ERI2: variants seen among roughly 807,000 people sequenced by gnomAD.
ERI2 encodes the protein ERI1 exoribonuclease 2.
In ERI2, 35 loss-of-function variants were observed where a neutral mutation model predicts 46.8. The observed-to-expected ratio is 0.75, with a 90% CI of 0.57 to 0.99. The LOEUF (loss-of-function observed/expected upper bound fraction) is 0.99, where lower values mean the gene tolerates loss of function less well. Ranked by LOEUF, ERI2 falls within the 50% of genes least tolerant of loss-of-function variation. ERI2 has a pLI of 0.00. For missense variants in ERI2, 695 were observed against 796.2 expected, an observed-to-expected ratio of 0.87 and a Z score of 1.53; for synonymous variants, 224 against 271.0, an observed-to-expected ratio of 0.83 and a Z score of 1.70.
intron 10 of ERI2, among the ~76,000 whole-genome samples, chr16:20,788,388 C>G (rs937756129): frequency 6.6e-6 from 1 of 152,198 alleles, no homozygotes; most frequent in Non-Finnish European, 1.5e-5. Flanking sequence ...CTGCAAGGTA[C>G]CCCCACCTGC....
intron 10 of ERI2, among the ~76,000 whole-genome samples, chr16:20,788,591 G>A (rs769007930): frequency 1.3e-5 from 2 of 152,156 alleles, no homozygotes; most frequent in Non-Finnish European, 1.5e-5. Flanking sequence ...CTGGGGATGT[G>A]TTCCAACCAG....
At chr16:20,783,466 G>A (rs141184430) in intron 10 of ERI2, 9 of 152,270 alleles carry the variant, frequency 5.9e-5, no homozygotes, top group Admixed American at 5.9e-4. Flanking sequence ...ATCCTCCAAT[G>A]AGCATTTCCT....
At chr16:20,785,773 TAAAA>T (rs1278885385) in intron 10 of ERI2, among the ~76,000 whole-genome samples, 1 of 151,952 alleles carries the variant, frequency 6.6e-6, no homozygotes, top group Non-Finnish European at 1.5e-5. Context: ...ATATCAAAAA[TAAAA>T]ATCAAAAATT....
At chr16:20,781,144 C>A (rs773546424) in intron 10 of ERI2, 1 of 1,613,110 alleles carries the variant, frequency 6.2e-7, no homozygotes, top group Non-Finnish European at 8.5e-7. Context: ...AGCCAAAGCA[C>A]AAAGAGGTCA....
At position 20,780,604 on chromosome 16, in the gene ERI2, C is replaced by T. The variant is rs199569669; in HGVS notation, c.*38G>A. 1.3e-5 allele frequency: 21 copies of T among 1,606,366 alleles called. No homozygotes were observed. In the East Asian group the frequency reaches 4.7e-4, roughly 36 times the overall value. On this transcript the variant is annotated 3_prime_UTR_variant, in exon 11 of 11. Transcript: ENST00000300005. ...GTAATTCAAGCTAAGCCACTGGCAC[C>T]TGATTCATGACATGAAGAGGTTCAA...
intron 10 of ERI2, chr16:20,781,893 A>G (rs1439846130): frequency 1.2e-6 from 1 of 808,190 alleles, no homozygotes; most frequent in Admixed American, 2.5e-5. Context: ...CAGTAGACAC[A>G]GGATTTAGCA....
At chr16:20,792,508 T>C, downstream of ERI2, 2 of 984,232 alleles carry the variant, frequency 2.0e-6, no homozygotes, top group Non-Finnish European at 2.4e-6. Context: ...GAATTATGAG[T>C]TGCAGCTCTG....
rs570972449 is a variant in ERI2, at chr16:20,781,259, A to G, written c.895-525T>C. 1.7e-5 allele frequency: 20 copies of G among 1,196,318 alleles called. No individual in the cohort carries two copies. The African/African-American group carries it at 3.1e-4, about 18-fold the overall frequency. The allele number at this position is 1,196,318 out of a possible 1,614,324, so 74.1% of individuals were successfully genotyped here. Reference sequence around the variant, plus strand: ...GATTTAAGATATGTCACATCCAGAAAGTCAATAAGCCTGAAAAGATACACT... The same window carrying G: ...GATTTAAGATATGTCACATCCAGAAGGTCAATAAGCCTGAAAAGATACACT... On this transcript the variant is annotated intron_variant, in intron 10 of 10. Transcript: ENST00000300005.
In ERI2 at chr16:20,806,397, C is replaced by A. The variant is rs770408123; in HGVS notation, c.23+11G>T. On this transcript the variant is annotated intron_variant, in intron 1 of 8. Coordinates refer to ENST00000357967, the MANE Select transcript of ERI2 (RefSeq NM_001142725.2). Reference sequence around the variant, plus strand: ...AGCTACCCGCCCCCGACCCGGAACTCCCTCGAGTACCGCGCGAGCCGCTTG... The same window carrying A: ...AGCTACCCGCCCCCGACCCGGAACTACCTCGAGTACCGCGCGAGCCGCTTG... The A allele has an allele frequency of 6.4e-7, 1 of 1,550,592 alleles. No individual in the cohort carries two copies. Among genetic ancestry groups the A allele is most frequent in the South Asian group, 1.2e-5 (1 of 84,090 alleles).
rs1269339515 is a variant in ERI2, at chr16:20,800,011, G to A, written c.589C>T (p.Leu197=). 2.5e-6 allele frequency: 4 copies of A among 1,603,304 alleles called. No individual in the cohort carries two copies. Among genetic ancestry groups the A allele is most frequent in the Middle Eastern group, 1.7e-4 (1 of 6,026 alleles). Reference sequence around the variant, plus strand: ...CCTACTTCCTGCAAGGCACCACTTAGTCCTTTTGGTTTTCTCCTATAGAAA... The same window carrying A: ...CCTACTTCCTGCAAGGCACCACTTAATCCTTTTGGTTTTCTCCTATAGAAA... The part of the protein sequence containing the change: ...KLFYRRKPKG[L]SGALQEVGIE... Residue 197 remains leucine, a synonymous_variant, in exon 7 of 9, where the codon CTA becomes TTA. Coordinates refer to ENST00000357967, the MANE Select transcript of ERI2 (RefSeq NM_001142725.2).
At chr16:20,789,364 G>T in intron 10 of ERI2, 1 of 779,570 alleles carries the variant, frequency 1.3e-6, no homozygotes, top group Non-Finnish European at 2.2e-6. Context: ...TAAAGGTTTA[G>T]CATTAATTAC....
intron 10 of ERI2, chr16:20,780,825 C>G (rs746186908): frequency 6.2e-7 from 1 of 1,614,214 alleles, no homozygotes; most frequent in South Asian, 1.1e-5. Context: ...ACACCCACAG[C>G]AGTTTTGGTT....
intron 1 of ERI2, among the ~76,000 whole-genome samples, chr16:20,804,310 TAAG>T (rs1596553020): frequency 6.6e-6 from 1 of 152,178 alleles, no homozygotes; most frequent in East Asian, 1.9e-4. Context: ...AGTGCAGTTT[TAAG>T]AAGACAAGAC....
At chr16:20,795,489 C>G (rs1036127149), downstream of ERI2, among the ~76,000 whole-genome samples, 11 of 152,202 alleles carry the variant, frequency 7.2e-5, no homozygotes, top group African/African-American at 2.4e-4. Context: ...TCAATGAAAT[C>G]TTTACTCCCA....
chr16:20,792,751 G>A (rs2080630106), downstream of ERI2: 14 of 981,878 alleles, frequency 1.4e-5, no homozygotes, highest in Non-Finnish European at 1.7e-5. Context: ...TCAGAAGTGG[G>A]AACCAGAGGC....
Position 20,790,385 on chromosome 16 carries a change from C to T in ERI2, c.815+465G>A, listed in dbSNP as rs1215734103. ...GGACTGTTTGAGACCAGAAGTTTGA[C>T]GCTGCAGTGAGCTATGAGCTATGAT... is the stretch of plus-strand genomic sequence containing the variant. On this transcript the variant is annotated intron_variant, in intron 9 of 10. Transcript: ENST00000300005. The surrounding 1 kb of genome is among the most constrained non-coding windows in gnomAD (Gnocchi z 4.0). Among the ~76,000 whole-genome samples, 4 of 152,138 alleles carry T rather than the reference C, an allele frequency of 2.6e-5. No homozygotes were observed. Among genetic ancestry groups the T allele is most frequent in the Admixed American group, 1.3e-4 (2 of 15,284 alleles).
Position 20,801,263 on chromosome 16 carries a change from T to C in ERI2, c.400A>G (p.Thr134Ala). Residue 134 changes from threonine to alanine, a missense_variant, in exon 5 of 9, where the codon ACT becomes GCT. Coordinates refer to ENST00000357967, the MANE Select transcript of ERI2 (RefSeq NM_001142725.2). ...IQQQKNIIFA[T>A]GISEPSASEV... The stretch of plus-strand genomic sequence containing the variant: ...GAAGCAGAAGGCTCTGAAATCCCAG[T>C]AGCAAAAATAATGTTCTTCTGTTGC... 1 of 1,612,680 alleles carries C rather than the reference T, an allele frequency of 6.2e-7. No individual in the cohort carries two copies. Among genetic ancestry groups the C allele is most frequent in the Non-Finnish European group, 8.5e-7 (1 of 1,179,368 alleles).
chr16:20,792,963 G>A (rs185718420), downstream of ERI2, among the ~76,000 whole-genome samples: 445 of 152,300 alleles, frequency 2.9e-3, no homozygotes, highest in Admixed American at 4.9e-3. Context: ...TTCTCTAGCT[G>A]AGTTACAAGT....
Position 20,798,277 on chromosome 16 carries a change from G to A in ERI2, c.1523C>T (p.Thr508Ile). 1 of 1,551,534 alleles carries A rather than the reference G, an allele frequency of 6.4e-7. No individual in the cohort carries two copies. The highest frequency in any genetic ancestry group is 8.7e-7 in the Non-Finnish European group (1 of 1,146,900). Residue 508 changes from threonine (T) to isoleucine (I), a missense_variant, in exon 9 of 9, where the codon ACC becomes ATC. Thr to Ile is a moderately conservative substitution (Grantham distance 89). Coordinates refer to ENST00000357967, the MANE Select transcript of ERI2 (RefSeq NM_001142725.2). Reference sequence around the variant, plus strand: ...CATATTGGCATTAACTCTGTTGAAGGTACTTGATTTGTGTTCAGGTAACTT... The same window carrying A: ...CATATTGGCATTAACTCTGTTGAAGATACTTGATTTGTGTTCAGGTAACTT... ...AFKLPEHKSS[T>I]FNRVNANMSH... is the part of the protein sequence containing the mutation.
Sources: gnomAD v4.1 joint callset for allele counts (sites outside exome capture counted in the v4.1 genomes callset) on GRCh38, gnomAD v4.1.1 for gene constraint, Gnocchi (gnomAD v3.1) non-coding constraint, MANE v1.5 for transcripts, NCBI Gene and HGNC (gene_info 2026-07-23, HGNC 2026-07-21) for gene names.